FAM133A: variants seen among roughly 807,000 people sequenced by gnomAD.
FAM133A encodes the protein protein FAM133A.
For synonymous variants in FAM133A, 65 were observed against 58.6 expected (o/e 1.11, Z -0.50); for missense variants, 159 against 164.4 (o/e 0.97, Z 0.18).
At chrX:93,694,871 T>A (rs1270442513) in intron 2 of FAM133A, among the ~76,000 whole-genome samples, 2 of 111,728 alleles carry the variant, frequency 1.8e-5, no homozygotes, top group African/African-American at 6.5e-5. Flanking sequence ...AGTATGTATA[T>A]CCTTTAATAG....
At chrX:93,704,293 G>A (rs773926995) in intron 3 of FAM133A, among the ~76,000 whole-genome samples, 1 of 111,944 alleles carries the variant, frequency 8.9e-6, no homozygotes, top group African/African-American at 3.2e-5. Flanking sequence ...TATATGTGAA[G>A]ATTATTGTCA....
intron 2 of FAM133A, among the ~76,000 whole-genome samples, chrX:93,683,724 A>G (rs1159519702): frequency 1.8e-5 from 2 of 111,309 alleles, no homozygotes; most frequent in Non-Finnish European, 3.8e-5. Flanking sequence ...GGGTGAAATG[A>G]TATCTCTTCG....
At chrX:93,675,094 A>G (rs193292128) in intron 2 of FAM133A, among the ~76,000 whole-genome samples, 67 of 112,297 alleles carry the variant, frequency 6.0e-4, no homozygotes, top group Non-Finnish European at 1.1e-3. Flanking sequence ...AAAGTTAGGA[A>G]ACGCTTTTCT....
chrX:93,699,358 C>G (rs1390853410), intron 3 of FAM133A, among the ~76,000 whole-genome samples: 1 of 111,306 alleles, frequency 9.0e-6, no homozygotes, highest in African/African-American at 3.3e-5. Context: ...TACTGCCACA[C>G]ACATGACATT....
intron 3 of FAM133A, among the ~76,000 whole-genome samples, chrX:93,705,762 C>G (rs1927001625): frequency 9.0e-6 from 1 of 111,093 alleles, no homozygotes; most frequent in Non-Finnish European, 1.9e-5. Context: ...TCATTCCTTT[C>G]TGTTTTCTCT....
At chrX:93,691,572 G>A (rs998290108) in intron 2 of FAM133A, among the ~76,000 whole-genome samples, 2 of 111,861 alleles carry the variant, frequency 1.8e-5, no homozygotes, top group Non-Finnish European at 3.8e-5. Context: ...GAAAGTATGA[G>A]TCATCCAATT....
intron 2 of FAM133A, among the ~76,000 whole-genome samples, chrX:93,695,992 G>A (rs1296188119): frequency 1.8e-5 from 2 of 111,257 alleles, no homozygotes; most frequent in African/African-American, 6.5e-5. Flanking sequence ...CATCCTGAGG[G>A]TTAATGAACT....
At chrX:93,700,234 G>T (rs1188972344) in intron 3 of FAM133A, among the ~76,000 whole-genome samples, 1 of 109,769 alleles carries the variant, frequency 9.1e-6, no homozygotes, top group Non-Finnish European at 1.9e-5. Flanking sequence ...TCCCCCAACC[G>T]CCACTCCCAA....
At chrX:93,679,456 A>C (rs769491098) in intron 2 of FAM133A, among the ~76,000 whole-genome samples, 4 of 111,432 alleles carry the variant, frequency 3.6e-5, no homozygotes, top group Non-Finnish European at 7.5e-5. Flanking sequence ...CGTTTCTAGC[A>C]ATATACCCTT....
intron 2 of FAM133A, among the ~76,000 whole-genome samples, chrX:93,693,057 T>C (rs1486415183): frequency 9.0e-6 from 1 of 111,515 alleles, no homozygotes; most frequent in Non-Finnish European, 1.9e-5. Flanking sequence ...TAAGGTATTT[T>C]CTAGGGCTGT....
At position 93,706,309 on chromosome X, in the gene FAM133A, G is replaced by C. The variant is rs1174131243; in HGVS notation, c.-103-3008G>C. On this transcript the variant is annotated intron_variant, in intron 3 of 3. Transcript: ENST00000683942. ...CTTGACTCTTTCTTTTCTGATACTG[G>C]TCCAGCTCTTACTACTCTGGCTAAT... is the stretch of plus-strand genomic sequence containing the variant. Among the ~76,000 whole-genome samples the C allele has an allele frequency of 3.6e-5, 4 of 111,211 alleles. No homozygotes were observed. In the Admixed American group the frequency reaches 3.8e-4, roughly 11 times the overall value.
intron 2 of FAM133A, among the ~76,000 whole-genome samples, chrX:93,690,150 A>T (rs146004808): frequency 0.017 from 1,846 of 111,703 alleles, 46 homozygotes; most frequent in African/African-American, 0.057. Flanking sequence ...AGCCTAAAAA[A>T]GCTAAGTAAG....
rs770105889 is a variant in FAM133A, at chrX:93,709,936, G to A, written c.517G>A (p.Val173Ile). ...GGATGAAACAGAGAAAGAAAAGGAT[G>A]TAAGAAGCCTCAGCAAAAAAAGAAA... The part of the protein sequence containing the change: ...SKDETEKEKD[V>I]RSLSKKRKKS... The change falls in exon 4 of 4, where the codon GTA becomes ATA. Residue 173 changes from valine (V) to isoleucine (I), a missense_variant. Coordinates refer to ENST00000683942, the MANE Select transcript of FAM133A (RefSeq NM_001171109.2). 8.4e-7 allele frequency: 1 copy of A among 1,186,069 alleles called. No individual in the cohort carries two copies. The highest frequency in any genetic ancestry group is 1.8e-5 in the African/African-American group (1 of 55,386).
intron 2 of FAM133A, among the ~76,000 whole-genome samples, chrX:93,696,376 T>C (rs1045302416): frequency 1.6e-4 from 18 of 111,105 alleles, no homozygotes; most frequent in African/African-American, 5.9e-4. Flanking sequence ...CAGAATCCCA[T>C]TAAAATCGCC....
intron 3 of FAM133A, among the ~76,000 whole-genome samples, chrX:93,708,940 T>C (rs1927227827): frequency 8.9e-6 from 1 of 111,764 alleles, no homozygotes; most frequent in South Asian, 3.8e-4. Context: ...TGTTGCACTT[T>C]CTTGAGTTGG....
At chrX:93,689,031 A>C (rs984617579) in intron 2 of FAM133A, among the ~76,000 whole-genome samples, 1 of 101,060 alleles carries the variant, frequency 9.9e-6, no homozygotes, top group Non-Finnish European at 2.0e-5. Flanking sequence ...ATTTAGATTT[A>C]ATATAATAGG....
intron 2 of FAM133A, among the ~76,000 whole-genome samples, chrX:93,683,229 C>A (rs1925284050): frequency 1.8e-5 from 2 of 111,745 alleles, no homozygotes; most frequent in South Asian, 7.4e-4. Context: ...TTAACCCTTT[C>A]ATTTCATTAG....
At chrX:93,675,222 C>T (rs1181743619) in intron 2 of FAM133A, among the ~76,000 whole-genome samples, 1 of 111,732 alleles carries the variant, frequency 8.9e-6, no homozygotes, top group Non-Finnish European at 1.9e-5. Context: ...ATCTTAACCA[C>T]CAAATGATAA....
chrX:93,702,856 A>C (rs1269403470), intron 3 of FAM133A, among the ~76,000 whole-genome samples: 33 of 104,914 alleles, frequency 3.1e-4, no homozygotes, highest in Non-Finnish European at 4.7e-4. Context: ...AAAAAAAAAA[A>C]AAAAAAAAAA....
Sources: gnomAD v4.1 joint callset for allele counts (sites outside exome capture counted in the v4.1 genomes callset) on GRCh38, gnomAD v4.1.1 for gene constraint, MANE v1.5 for transcripts, NCBI Gene and HGNC (gene_info 2026-07-23, HGNC 2026-07-21) for gene names.